LUC7L: variants seen among roughly 807,000 people sequenced by gnomAD.
The protein encoded by LUC7L is LUC7 like, also known as putative RNA-binding protein Luc7-like 1.
In LUC7L, 29 loss-of-function variants were observed where a neutral mutation model predicts 51.1. That is an observed-to-expected ratio of 0.57 (90% CI 0.42 to 0.77). LUC7L has a LOEUF of 0.77. Ranked by LOEUF, LUC7L falls within the 30% of genes least tolerant of loss-of-function variation. The pLI, the probability that LUC7L is intolerant of heterozygous loss-of-function variation, is 0.00. For missense variants in LUC7L, 403 were observed against 511.9 expected, an observed-to-expected ratio of 0.79 and a Z score of 2.05; for synonymous variants, 181 against 180.7, an observed-to-expected ratio of 1.00 and a Z score of -0.01.
rs143561481 is a variant in LUC7L at position 202,168 on chromosome 16, C to CCATA, written c.511-2934_511-2931dup. Among the ~76,000 whole-genome samples, 1,100 of 152,222 alleles carry CCATA rather than the reference C, an allele frequency of 7.2e-3. 14 individuals are homozygous for CCATA. The highest frequency in any genetic ancestry group is 0.025 in the African/African-American group (1,052 of 41,538). ...GTGTTGAGATTACAGGCATGAGCCACCATACCCACCCTCCATAAGCTTTTA... is the reference window on the plus strand; with the variant it reads ...GTGTTGAGATTACAGGCATGAGCCACCATACATACCCACCCTCCATAAGCTTTTA... On this transcript the variant is annotated intron_variant, in intron 5 of 9. Transcript: ENST00000293872.
rs574185994 is a variant in LUC7L, at chr16:215,016, G to A, written c.255+5633C>T. Among the ~76,000 whole-genome samples the A allele has an allele frequency of 3.1e-4, 47 of 152,262 alleles. 2 individuals carry two copies. The South Asian group carries it at 8.5e-3, about 27-fold the overall frequency. ...GGCCAGGAGTTGGAGGCTACCGTGA[G>A]CTATGAGCACGCCACTGCAATCCAG... On this transcript the variant is annotated intron_variant, in intron 3 of 9. Transcript: ENST00000293872.
At chr16:212,741 A>G (rs1369918776) in intron 3 of LUC7L, among the ~76,000 whole-genome samples, 2 of 152,060 alleles carry the variant, frequency 1.3e-5, no homozygotes, top group Non-Finnish European at 2.9e-5. Context: ...ACAAAGACAC[A>G]TTCATTACAT....
At chr16:194,729 C>T (rs540227672) in intron 6 of LUC7L, among the ~76,000 whole-genome samples, 2 of 152,264 alleles carry the variant, frequency 1.3e-5, no homozygotes, top group South Asian at 4.1e-4. Context: ...TGTGAATCAT[C>T]AGGCTTGATG....
At chr16:216,054 T>C (rs2049786863) in intron 3 of LUC7L, among the ~76,000 whole-genome samples, 1 of 152,034 alleles carries the variant, frequency 6.6e-6, no homozygotes, top group South Asian at 2.1e-4. Flanking sequence ...CAGGCTACAG[T>C]GCAATGGCAC....
intron 1 of LUC7L, chr16:228,015 C>T (rs2050173460): frequency 8.9e-7 from 1 of 1,117,828 alleles, no homozygotes; most frequent in Non-Finnish European, 1.1e-6. Context: ...ACCTCAGCTG[C>T]AGAATTTTAT....
chr16:196,427 C>A (rs370338117), intron 6 of LUC7L, among the ~76,000 whole-genome samples: 2,674 of 148,312 alleles, frequency 0.018, 73 homozygotes, highest in African/African-American at 0.062. Context: ...AACAAACAAA[C>A]AAAAAAAACC....
intron 6 of LUC7L, among the ~76,000 whole-genome samples, chr16:195,662 G>C (rs1022611505): frequency 2.0e-5 from 3 of 152,120 alleles, no homozygotes; most frequent in African/African-American, 7.2e-5. Flanking sequence ...GGATTCAATC[G>C]ATTCTCCTGC....
intron 6 of LUC7L, among the ~76,000 whole-genome samples, chr16:196,350 G>C (rs996956559): frequency 2.6e-5 from 4 of 152,022 alleles, no homozygotes; most frequent in Admixed American, 1.3e-4. Flanking sequence ...GGAGGTTACA[G>C]TGAGCTGAGT....
chr16:216,040 T>C (rs1331569458), intron 3 of LUC7L, among the ~76,000 whole-genome samples: 4 of 152,094 alleles, frequency 2.6e-5, no homozygotes, highest in Non-Finnish European at 5.9e-5. Context: ...TCGCTCTTGT[T>C]GCCCAGGCTA....
At position 220,887 on chromosome 16, in the gene LUC7L, G is replaced by A. The variant is rs1273266851; in HGVS notation, c.157-140C>T. ...ACACTGCAATAAGAAAATTAAGAAAGGAGATATGGCTGAGAAGCCTCATTT... is the reference window on the plus strand; with the variant it reads ...ACACTGCAATAAGAAAATTAAGAAAAGAGATATGGCTGAGAAGCCTCATTT... On this transcript the variant is annotated intron_variant, in intron 2 of 9. Transcript: ENST00000293872. The A allele has an allele frequency of 6.4e-6, 4 of 623,870 alleles. No individual in the cohort carries two copies. In the Admixed American group the frequency reaches 9.1e-5, roughly 14 times the overall value. The allele number at this position is 623,870 out of a possible 1,614,324, so 38.6% of individuals were successfully genotyped here.
intron 2 of LUC7L, among the ~76,000 whole-genome samples, chr16:225,864 T>G (rs1212164176): frequency 2.0e-5 from 3 of 151,988 alleles, no homozygotes; most frequent in African/African-American, 7.2e-5. Context: ...TTCTCACCAG[T>G]ATTCTGCAGC....
chr16:220,478 G>C (rs993892109), intron 3 of LUC7L, 171 bp downstream of exon 3: 7 of 590,082 alleles, frequency 1.2e-5, no homozygotes, highest in African/African-American at 9.3e-5. Flanking sequence ...CAGGACGCTG[G>C]ACACAACATA....
chr16:228,680 T>C (rs1441728060), intron 1 of LUC7L: 2 of 1,197,128 alleles, frequency 1.7e-6, no homozygotes, highest in Admixed American at 7.1e-5. Context: ...CTTGAGCTCC[T>C]CCCTACACAG....
At chr16:220,984 C>T (rs1156630938) in intron 2 of LUC7L, among the ~76,000 whole-genome samples, 1 of 152,018 alleles carries the variant, frequency 6.6e-6, no homozygotes, top group Non-Finnish European at 1.5e-5. Flanking sequence ...TATTTTAGAC[C>T]CAGAGATAAT....
At chr16:222,321 C>T (rs1018251439) in intron 2 of LUC7L, among the ~76,000 whole-genome samples, 3 of 113,600 alleles carry the variant, frequency 2.6e-5, no homozygotes, top group African/African-American at 3.6e-5. Flanking sequence ...AACATGTCTA[C>T]ATAACCAGAA....
In LUC7L at chr16:189,209, C is replaced by T. The variant is rs774226588; in HGVS notation, c.1105G>A (p.Gly369Ser). 1.2e-5 allele frequency: 20 copies of T among 1,613,310 alleles called. No individual in the cohort carries two copies. The highest frequency in any genetic ancestry group is 1.7e-5 in the Non-Finnish European group (20 of 1,179,574). ...CCCGGGAGACGGGTTCAGATCTCGC[C>T]GGCCTCCTTCTCTTCTGACCTCCGT... ...ASRRSEEKEA[G>S]EI The change falls in exon 10 of 10, where the codon GGC becomes AGC. Residue 369 changes from glycine to serine, a missense_variant. Physicochemically the swap from Gly to Ser is moderately conservative, Grantham distance 56. Coordinates refer to ENST00000293872, the MANE Select transcript of LUC7L (RefSeq NM_201412.3).
intron 5 of LUC7L, 23 bp downstream of exon 5, chr16:205,981 C>A: frequency 6.2e-7 from 1 of 1,602,798 alleles, no homozygotes; most frequent in Non-Finnish European, 8.5e-7. Flanking sequence ...TTTCTCTTGC[C>A]CTAAGGCACT....
chr16:192,831 G>T, intron 7 of LUC7L, 96 bp downstream of exon 7: 3 of 1,073,346 alleles, frequency 2.8e-6, no homozygotes, highest in Non-Finnish European at 4.3e-6. Flanking sequence ...ACGGCCTATT[G>T]GGCAGGCCCT....
intron 1 of LUC7L, chr16:227,733 T>G: frequency 9.8e-7 from 1 of 1,015,416 alleles, no homozygotes; most frequent in Non-Finnish European, 1.2e-6. Flanking sequence ...AAAAGCTACT[T>G]ATTAATCTAA....
Sources: gnomAD v4.1 joint callset for allele counts (sites outside exome capture counted in the v4.1 genomes callset) on GRCh38, gnomAD v4.1.1 for gene constraint, MANE v1.5 for transcripts, NCBI Gene and HGNC (gene_info 2026-07-23, HGNC 2026-07-21) for gene names.